GRM7: variants seen among roughly 807,000 people sequenced by gnomAD.
The protein encoded by GRM7 is glutamate metabotropic receptor 7.
Under a neutral mutation model 84.5 loss-of-function variants are expected in GRM7, and 35 were observed. That is an observed-to-expected ratio of 0.41 (90% CI 0.32 to 0.55). The LOEUF (loss-of-function observed/expected upper bound fraction) is 0.55. Ranked by LOEUF, GRM7 falls within the 20% of genes least tolerant of loss-of-function variation. The probability of loss-of-function intolerance (pLI) is 0.19; values close to 1 mark genes in which losing one functional copy is unlikely to be tolerated. For missense variants in GRM7, 1,003 were observed against 1,194.6 expected, an observed-to-expected ratio of 0.84 and a Z score of 2.36; for synonymous variants, 487 against 455.1, an observed-to-expected ratio of 1.07 and a Z score of -0.89.
rs564232607 is a variant in GRM7 at position 7,485,533 on chromosome 3, C to G, written c.1515+23811C>G. 3.9e-5 allele frequency among the ~76,000 whole-genome samples: 6 copies of G among 152,298 alleles called. No individual in the cohort carries two copies. The East Asian group carries it at 9.7e-4, about 25-fold the overall frequency. On this transcript the variant is annotated intron_variant, in intron 7 of 9. Transcript: ENST00000357716. ...ATTCTGTCATTCACGTTATACATAC[C>G]TTTTCCTTTTGAAATAAGTTGGAAA...
At position 7,464,647 on chromosome 3, in the gene GRM7, T is replaced by G. The variant is rs554788407; in HGVS notation, c.1515+2925T>G. ...AGATCAAGACCATCCTGGCTAACACTGTGAAACCCCGTCTCTAAAAATACA... is the reference window on the plus strand; with the variant it reads ...AGATCAAGACCATCCTGGCTAACACGGTGAAACCCCGTCTCTAAAAATACA... On this transcript the variant is annotated intron_variant, in intron 7 of 9. Transcript: ENST00000357716. Among the ~76,000 whole-genome samples the G allele has an allele frequency of 6.6e-5, 10 of 151,644 alleles. No individual in the cohort carries two copies. The East Asian group carries it at 1.2e-3, about 18-fold the overall frequency.
At position 7,306,695 on chromosome 3, in the gene GRM7, G is replaced by T. The variant is rs558709911; in HGVS notation, c.1033+43G>T. 8 of 1,507,212 alleles carry T rather than the reference G, an allele frequency of 5.3e-6. No homozygotes were observed. The South Asian group carries it at 7.7e-5, about 15-fold the overall frequency. 93.4% of individuals were successfully genotyped at this position (1,507,212 alleles called of 1,614,324 possible). On this transcript the variant is annotated intron_variant, in intron 4 of 9. Transcript: ENST00000357716. ...AGTAGGTTTGCTGAGAGAAGTTCTG[G>T]TGCCATGCTGAATGGCCAAGCATGT...
chr3:7,158,623 A>G (rs1276728260), intron 2 of GRM7, among the ~76,000 whole-genome samples: 3 of 152,220 alleles, frequency 2.0e-5, no homozygotes, highest in Non-Finnish European at 4.4e-5. Flanking sequence ...AATAGGGAAG[A>G]TGAACTAAAC....
chr3:7,501,274 C>T (rs970467959), intron 7 of GRM7, among the ~76,000 whole-genome samples: 4 of 152,204 alleles, frequency 2.6e-5, no homozygotes, highest in African/African-American at 9.6e-5. Flanking sequence ...TATCAAAACT[C>T]ACCCTTTTGA....
At chr3:7,078,666 G>A (rs562058090) in intron 1 of GRM7, among the ~76,000 whole-genome samples, 1 of 152,222 alleles carries the variant, frequency 6.6e-6, no homozygotes, top group South Asian at 2.1e-4. Context: ...ATGATGAATA[G>A]GATTTATTCA....
intron 5 of GRM7, among the ~76,000 whole-genome samples, chr3:7,430,574 C>G (rs973067718): frequency 6.6e-6 from 1 of 152,166 alleles, no homozygotes; most frequent in South Asian, 2.1e-4. Context: ...AGGCACATAC[C>G]GATCTGTGCT....
At chr3:7,007,780 T>C (rs141738166) in intron 1 of GRM7, among the ~76,000 whole-genome samples, 50 of 152,330 alleles carry the variant, frequency 3.3e-4, no homozygotes, top group African/African-American at 1.0e-3. Context: ...ACACTAAATA[T>C]GTGACATAAA....
At chr3:7,410,674 AC>A (rs2125173231) in intron 4 of GRM7, among the ~76,000 whole-genome samples, 1 of 151,926 alleles carries the variant, frequency 6.6e-6, no homozygotes, top group Non-Finnish European at 1.5e-5. Context: ...ACACACACAC[AC>A]ACACGCACAT....
chr3:7,239,786 C>T (rs916484713), intron 2 of GRM7, among the ~76,000 whole-genome samples: 1 of 152,134 alleles, frequency 6.6e-6, no homozygotes, highest in Non-Finnish European at 1.5e-5. Context: ...AGAGTTAAGG[C>T]CTTGTGCTCC....
At chr3:6,869,492 A>T (rs377166596) in intron 1 of GRM7, among the ~76,000 whole-genome samples, 1 of 152,112 alleles carries the variant, frequency 6.6e-6, no homozygotes. Flanking sequence ...TTTAATTACC[A>T]TAGTAGTTAT....
At chr3:6,987,042 G>T (rs1024577513) in intron 1 of GRM7, among the ~76,000 whole-genome samples, 5 of 152,138 alleles carry the variant, frequency 3.3e-5, no homozygotes, top group African/African-American at 1.2e-4. Context: ...TCTACCTACT[G>T]CTCTTCTAAT....
chr3:7,337,217 G>A (rs987067747), intron 4 of GRM7, among the ~76,000 whole-genome samples: 11 of 152,040 alleles, frequency 7.2e-5, no homozygotes, highest in East Asian at 1.9e-4. Flanking sequence ...CAAGCCACAC[G>A]TCGAAGAATA....
At chr3:7,502,835 A>C (rs1473875291) in intron 7 of GRM7, among the ~76,000 whole-genome samples, 1 of 152,188 alleles carries the variant, frequency 6.6e-6, no homozygotes, top group Non-Finnish European at 1.5e-5. Flanking sequence ...TGTTGTTTGC[A>C]TATTCATCAA....
At chr3:7,105,856 T>C (rs1692612749) in intron 1 of GRM7, among the ~76,000 whole-genome samples, 1 of 151,980 alleles carries the variant, frequency 6.6e-6, no homozygotes, top group Admixed American at 6.6e-5. Flanking sequence ...ATGTACACAA[T>C]AATATGCAAA....
chr3:6,969,293 G>T (rs1372700503), intron 1 of GRM7, among the ~76,000 whole-genome samples: 1 of 152,020 alleles, frequency 6.6e-6, no homozygotes, highest in Non-Finnish European at 1.5e-5. Context: ...ACATAAGTTG[G>T]TTTTTTACAT....
At chr3:7,485,802 G>A (rs774061986) in intron 7 of GRM7, among the ~76,000 whole-genome samples, 3 of 152,124 alleles carry the variant, frequency 2.0e-5, no homozygotes, top group Admixed American at 6.6e-5. Context: ...CAAGAGAATC[G>A]CTGATGCCAC....
Position 6,928,546 on chromosome 3 carries a change from A to G in GRM7, c.519+66639A>G, listed in dbSNP as rs1309370873. The stretch of plus-strand genomic sequence containing the variant: ...GATGTTTTTCCTAACCAAGTGCCAT[A>G]TACCTTTTAAAATAAATGTTTGTAA... On this transcript the variant is annotated intron_variant, in intron 1 of 9. Coordinates refer to ENST00000357716, the MANE Select transcript of GRM7 (RefSeq NM_000844.4). This position sits in a 1 kb window ranked among gnomAD's most constrained non-coding sequence, Gnocchi z 4.5. Among the ~76,000 whole-genome samples the G allele has an allele frequency of 6.6e-6, 1 of 152,212 alleles. No homozygotes were observed. Among genetic ancestry groups the G allele is most frequent in the Non-Finnish European group, 1.5e-5 (1 of 68,040 alleles).
At chr3:7,046,725 A>G (rs927728658) in intron 1 of GRM7, among the ~76,000 whole-genome samples, 4 of 152,068 alleles carry the variant, frequency 2.6e-5, no homozygotes, top group African/African-American at 7.2e-5. Context: ...AAGAAGGACA[A>G]TGGATGCATT....
rs73013996 is a variant in GRM7, at chr3:6,866,693, C to T, written c.519+4786C>T. Among the ~76,000 whole-genome samples, 668 of 152,264 alleles carry T rather than the reference C, an allele frequency of 4.4e-3. 4 individuals are homozygous for T. The highest frequency in any genetic ancestry group is 7.6e-3 in the Non-Finnish European group (518 of 68,018). ...TACAGTGGCAGCAAGCTATAGCTTT[C>T]GTATCTCCATGTAGTATTCCCATTC... On this transcript the variant is annotated intron_variant, in intron 1 of 9. Coordinates refer to ENST00000357716, the MANE Select transcript of GRM7 (RefSeq NM_000844.4).
Sources: allele counts gnomAD v4.1 joint callset (sites outside exome capture counted in the v4.1 genomes callset), GRCh38; gene constraint gnomAD v4.1.1; non-coding constraint Gnocchi (gnomAD v3.1); transcripts MANE v1.5; gene names NCBI Gene and HGNC (gene_info 2026-07-23, HGNC 2026-07-21).